Variants in WASHC3 observed in about 807,000 individuals in gnomAD.
The protein encoded by WASHC3 is WASH complex subunit CCDC53.
In WASHC3, 24 loss-of-function variants were observed where a neutral mutation model predicts 26.1. The observed-to-expected ratio is 0.92, with a 90% CI of 0.66 to 1.29. WASHC3 has a LOEUF of 1.29. Among genes scored for constraint, WASHC3 ranks in the 50% most tolerant of loss-of-function variants. The probability of loss-of-function intolerance (pLI) is 0.00; values close to 1 mark genes in which losing one functional copy is unlikely to be tolerated. For synonymous variants in WASHC3, 77 were observed against 75.7 expected (o/e 1.02, Z -0.09); for missense variants, 214 against 229.6 (o/e 0.93, Z 0.44).
At chr12:102,021,246 T>C (rs919027076) in intron 6 of WASHC3, among the ~76,000 whole-genome samples, 2 of 152,240 alleles carry the variant, frequency 1.3e-5, no homozygotes, top group African/African-American at 4.8e-5. Flanking sequence ...TGGTCTTTTC[T>C]CTTTTGAATT....
rs151159254 is a variant in WASHC3 at position 102,045,254 on chromosome 12, G to A, written c.216+800C>T. 3.3e-3 allele frequency among the ~76,000 whole-genome samples: 497 copies of A among 152,198 alleles called. 4 individuals carry two copies. The highest frequency in any genetic ancestry group is 0.011 in the African/African-American group (474 of 41,524). ...GACTATCTTGAACATGTTCAAGACC[G>A]GGTTTCCAAACTAGAGAAATGTTCT... On this transcript the variant is annotated intron_variant, in intron 3 of 6. Transcript: ENST00000240079.
At chr12:102,043,792 A>ATTTTTTT (rs1236035085) in intron 4 of WASHC3, 1 of 156,128 alleles carries the variant, frequency 6.4e-6, no homozygotes, top group Admixed American at 6.5e-5. Flanking sequence ...TTACAATAAA[A>ATTTTTTT]TATTTTAAAA....
At chr12:102,048,890 C>T (rs1878276078) in intron 2 of WASHC3, among the ~76,000 whole-genome samples, 1 of 152,154 alleles carries the variant, frequency 6.6e-6, no homozygotes, top group African/African-American at 2.4e-5. Context: ...TAAGAAAGAA[C>T]TACTTTTCAA....
rs1004655725 is a variant in WASHC3 at position 102,046,055 on chromosome 12, T to G, written c.215A>C (p.Lys72Thr). Reference sequence around the variant, plus strand: ...TACAAATTATTGAGAAATACCAACCTTTGCATCTAAAATATTGAGAGTTGT... The same window carrying G: ...TACAAATTATTGAGAAATACCAACCGTTGCATCTAAAATATTGAGAGTTGT... ...IETTLNILDA[K>T]LSSIPGLDDV... Residue 72 changes from lysine to threonine, a missense_variant and splice_region_variant, in exon 3 of 7, where the codon AAG becomes ACG. By Grantham distance (78) the Lys-to-Thr change is moderately conservative (BLOSUM62 -1). Transcript: ENST00000240079. The G allele has an allele frequency of 6.4e-7, 1 of 1,570,812 alleles. No individual in the cohort carries two copies. The highest frequency in any genetic ancestry group is 1.3e-5 in the African/African-American group (1 of 74,212).
At chr12:102,013,593 T>A (rs879607429) in intron 6 of WASHC3, among the ~76,000 whole-genome samples, 3 of 152,142 alleles carry the variant, frequency 2.0e-5, no homozygotes, top group Non-Finnish European at 4.4e-5. Flanking sequence ...AAGGAAATGC[T>A]TCATGTTCAG....
chr12:102,030,419 CAAAA>C (rs1207753781), intron 5 of WASHC3, among the ~76,000 whole-genome samples: 1 of 150,958 alleles, frequency 6.6e-6, no homozygotes, highest in African/African-American at 2.4e-5. Flanking sequence ...AATCATAACA[CAAAA>C]GAAAACAAAT....
intron 4 of WASHC3, among the ~76,000 whole-genome samples, chr12:102,043,042 T>C (rs1324630580): frequency 1.3e-5 from 2 of 152,150 alleles, no homozygotes; most frequent in Non-Finnish European, 2.9e-5. Flanking sequence ...TTCAAACGAA[T>C]CATCTTCAAA....
rs372510077 is a variant in WASHC3 at position 102,013,139 on chromosome 12, C to G, written c.554G>C (p.Ser185Thr). 2 of 1,545,004 alleles carry G rather than the reference C, an allele frequency of 1.3e-6. No homozygotes were observed. Among genetic ancestry groups the G allele is most frequent in the African/African-American group, 2.7e-5 (2 of 73,254 alleles). ...DGESEKTVEESSDSESSFSD is the reference protein window; with the variant it reads ...DGESEKTVEETSDSESSFSD ...ACTAAAAGAAGATTCGCTATCTGAACTTTCTTCTACAGTTTTCTCACTTTC... is the reference window on the plus strand; with the variant it reads ...ACTAAAAGAAGATTCGCTATCTGAAGTTTCTTCTACAGTTTTCTCACTTTC... The change falls in exon 7 of 7, where the codon AGT becomes ACT. Residue 185 changes from serine to threonine, a missense_variant. Coordinates refer to ENST00000240079, the MANE Select transcript of WASHC3 (RefSeq NM_016053.4).
chr12:102,046,523 G>A (rs1300218376), intron 2 of WASHC3, among the ~76,000 whole-genome samples: 1 of 152,192 alleles, frequency 6.6e-6, no homozygotes, highest in Non-Finnish European at 1.5e-5. Context: ...TTGATCTCTT[G>A]ACCTCGTGAT....
chr12:102,020,217 A>C (rs1876893886), intron 6 of WASHC3, among the ~76,000 whole-genome samples: 1 of 152,234 alleles, frequency 6.6e-6, no homozygotes, highest in Non-Finnish European at 1.5e-5. Flanking sequence ...CTATGTTCCC[A>C]GGCTTCAGAG....
intron 2 of WASHC3, among the ~76,000 whole-genome samples, chr12:102,054,353 T>TA (rs1878508401): frequency 6.6e-6 from 1 of 152,144 alleles, no homozygotes; most frequent in South Asian, 2.1e-4. Context: ...ACTTCACCTT[T>TA]AAAAAATGGA....
intron 6 of WASHC3, among the ~76,000 whole-genome samples, chr12:102,015,804 G>C (rs1490530069): frequency 6.6e-6 from 1 of 152,208 alleles, no homozygotes; most frequent in Non-Finnish European, 1.5e-5. Context: ...TTCAATCAGT[G>C]ATGAACTGCA....
At chr12:102,013,359 G>A (rs938928173) in intron 6 of WASHC3, among the ~76,000 whole-genome samples, 167 bp from the exon 7 acceptor site, 1 of 152,154 alleles carries the variant, frequency 6.6e-6, no homozygotes, top group Non-Finnish European at 1.5e-5. Flanking sequence ...GGCTTCTTGG[G>A]CACCATGGGG....
At chr12:102,054,341 T>C (rs73183998) in intron 2 of WASHC3, among the ~76,000 whole-genome samples, 6,350 of 152,176 alleles carry the variant, frequency 0.042, 200 homozygotes, top group African/African-American at 0.08. Context: ...TACAAGAGAC[T>C]CACTTCACCT....
chr12:102,021,166 A>T (rs1220486247), intron 6 of WASHC3, among the ~76,000 whole-genome samples: 1 of 152,202 alleles, frequency 6.6e-6, no homozygotes, highest in Non-Finnish European at 1.5e-5. Flanking sequence ...TATTGACTTA[A>T]TAAGAACCTC....
At chr12:102,049,575 A>G (rs139136795) in intron 2 of WASHC3, among the ~76,000 whole-genome samples, 2 of 152,354 alleles carry the variant, frequency 1.3e-5, no homozygotes, top group East Asian at 3.9e-4. Context: ...AAAAAAGGAC[A>G]AAAGAAAGAA....
At chr12:102,013,890 AATG>A (rs1179164408) in intron 6 of WASHC3, among the ~76,000 whole-genome samples, 1 of 152,188 alleles carries the variant, frequency 6.6e-6, no homozygotes, top group Non-Finnish European at 1.5e-5. Context: ...ATGAAATTTT[AATG>A]ATGTTATTAA....
Position 102,061,901 on chromosome 12 carries a change from C to T in WASHC3, c.51+11G>A. The T allele has an allele frequency of 6.3e-7, 1 of 1,594,236 alleles. No homozygotes were observed. The highest frequency in any genetic ancestry group is 1.1e-5 in the South Asian group (1 of 88,034). ...CGGCTCGTCGGGAGTCTAGCACCGT[C>T]TTTTACAAACCTTGGTCAGGTCTAT... is the stretch of plus-strand genomic sequence containing the variant. On this transcript the variant is annotated intron_variant, in intron 1 of 6. Coordinates refer to ENST00000240079, the MANE Select transcript of WASHC3 (RefSeq NM_016053.4).
At chr12:102,048,657 A>G (rs1878265091) in intron 2 of WASHC3, among the ~76,000 whole-genome samples, 1 of 151,818 alleles carries the variant, frequency 6.6e-6, no homozygotes, top group Admixed American at 6.6e-5. Flanking sequence ...TTTAAATCAC[A>G]TCACAATTGC....
Sources: gnomAD v4.1 joint callset for allele counts (sites outside exome capture counted in the v4.1 genomes callset) on GRCh38, gnomAD v4.1.1 for gene constraint, MANE v1.5 for transcripts, NCBI Gene and HGNC (gene_info 2026-07-23, HGNC 2026-07-21) for gene names.